The following GSPT1 variants were observed in gnomAD, a reference collection of about 807,000 sequenced individuals.
GSPT1 encodes G1 to S phase transition 1, also known as eukaryotic peptide chain release factor GTP-binding subunit ERF3A.
A neutral mutation model predicts 72.5 loss-of-function variants in GSPT1; 20 were observed. The ratio of observed to expected loss-of-function variants is 0.28; its 90% confidence interval spans 0.19 to 0.40. GSPT1 has a LOEUF of 0.40. Among genes scored for constraint, GSPT1 ranks in the 10% least tolerant of loss-of-function variants. The pLI is 1.00. For synonymous variants in GSPT1, 334 were observed against 293.5 expected, an observed-to-expected ratio of 1.14 and a Z score of -1.41; for missense variants, 580 against 811.9, an observed-to-expected ratio of 0.71 and a Z score of 3.47.
intron 5 of GSPT1, among the ~76,000 whole-genome samples, chr16:11,893,615 T>A (rs181126487): frequency 1.3e-5 from 2 of 152,204 alleles, no homozygotes; most frequent in Non-Finnish European, 2.9e-5. Context: ...CCTTTCCCTA[T>A]AGCTTTCATC....
At chr16:11,916,024 C>T (rs554876126), upstream of GSPT1, 28 of 655,068 alleles carry the variant, frequency 4.3e-5, no homozygotes, top group Non-Finnish European at 6.9e-5. Context: ...CGGATTGACC[C>T]CTCGCCGCCA....
At chr16:11,886,298 C>G (rs1310962180) in intron 9 of GSPT1, among the ~76,000 whole-genome samples, 173 bp downstream of exon 9, 1 of 152,002 alleles carries the variant, frequency 6.6e-6, no homozygotes, top group Non-Finnish European at 1.5e-5. Context: ...TAAAAATGGG[C>G]AAAGATCTTA....
At position 11,885,082 on chromosome 16, in the gene GSPT1, AAAG is replaced by A. The variant is rs1469380751; in HGVS notation, c.1347+96_1347+98del. ...AAGATTCTGTCAAAAAAAAAACAAG[AAAG>A]AAAAGAAAAGAAAAAAAGTTTTCAA... On this transcript the variant is annotated intron_variant, in intron 10 of 14. Coordinates refer to ENST00000434724, the MANE Select transcript of GSPT1 (RefSeq NM_002094.4). 3.7e-5 allele frequency: 24 copies of A among 645,396 alleles called. 1 individual carries two copies. The East Asian group carries it at 4.3e-4, about 12-fold the overall frequency. The allele number at this position is 645,396 out of a possible 1,614,324, so 40.0% of individuals were successfully genotyped here.
intron 5 of GSPT1, among the ~76,000 whole-genome samples, chr16:11,891,644 G>A (rs1596465566): frequency 6.6e-6 from 1 of 150,894 alleles, no homozygotes; most frequent in Admixed American, 6.6e-5. Context: ...TTACAGGCGT[G>A]AGCCACCACG....
At chr16:11,895,431 CAAA>C (rs58577286) in intron 4 of GSPT1, 28 of 113,810 alleles carry the variant, frequency 2.5e-4, no homozygotes, top group African/African-American at 6.3e-4. Flanking sequence ...AACTCCATCT[CAAA>C]AAAAAAAAAA....
rs1596462123 is a variant in GSPT1 at position 11,886,984 on chromosome 16, T to C, written c.958-53A>G. 9 of 1,349,020 alleles carry C rather than the reference T, an allele frequency of 6.7e-6. No individual in the cohort carries two copies. The East Asian group carries it at 1.4e-4, about 21-fold the overall frequency. The allele number at this position is 1,349,020 out of a possible 1,614,324, so 83.6% of individuals were successfully genotyped here. ...TCCTTCGCCTTCAGGCATACCCTTA[T>C]GGCAGTAAAACATCTTTCCTTTCAG... On this transcript the variant is annotated intron_variant, in intron 7 of 14. Coordinates refer to ENST00000434724, the MANE Select transcript of GSPT1 (RefSeq NM_002094.4).
rs932872402 is a variant in GSPT1 at position 11,895,813 on chromosome 16, G to T, written c.664+745C>A. Reference sequence around the variant, plus strand: ...GGCTAATTTTTGTATTTTTAGTAGAGACGGGGTTTCACCATGTTGGCCAGG... The same window carrying T: ...GGCTAATTTTTGTATTTTTAGTAGATACGGGGTTTCACCATGTTGGCCAGG... On this transcript the variant is annotated intron_variant, in intron 4 of 14. Coordinates refer to ENST00000434724, the MANE Select transcript of GSPT1 (RefSeq NM_002094.4). Among the ~76,000 whole-genome samples, 6 of 152,304 alleles carry T rather than the reference G, an allele frequency of 3.9e-5. No individual in the cohort carries two copies. In the East Asian group the frequency reaches 9.6e-4, roughly 24 times the overall value.
At chr16:11,891,395 T>G (rs1166089168) in intron 5 of GSPT1, among the ~76,000 whole-genome samples, 3 of 149,686 alleles carry the variant, frequency 2.0e-5, no homozygotes, top group Non-Finnish European at 1.5e-5. Context: ...AGAGTTTCGC[T>G]CTTGTCATCC....
In GSPT1 at chr16:11,894,155, CAAAAAAAAAAAAAAAAAAAAAAAA is replaced by C. The variant is rs57226427; in HGVS notation, c.698+775_698+798del. Reference sequence around the variant, plus strand: ...TTGGTGACAGAATGAGACCCTATCTCAAAAAAAAAAAAAAAAAAAAAAAAAAAAAAAAAAAAAAAATTTAACTAG... The same window carrying C: ...TTGGTGACAGAATGAGACCCTATCTCAAAAAAAAAAAAAAAATTTAACTAG... On this transcript the variant is annotated intron_variant, in intron 5 of 14. Transcript: ENST00000434724. 3.4e-3 allele frequency among the ~76,000 whole-genome samples: 147 copies of C among 42,688 alleles called. 3 individuals are homozygous for C. The highest frequency in any genetic ancestry group is 0.024 in the Middle Eastern group (1 of 42). The allele number at this position is 42,688 out of a possible 152,430, so 28.0% of individuals were successfully genotyped here. A position where few individuals can be genotyped will look rare whatever the true frequency, so the allele number is the denominator to read the frequency against.
rs905167255 is a variant in GSPT1 at position 11,871,383 on chromosome 16, T to A, written c.*1736A>T. 6.6e-6 allele frequency: 1 copy of A among 152,048 alleles called. No individual in the cohort carries two copies. The highest frequency in any genetic ancestry group is 1.5e-5 in the Non-Finnish European group (1 of 68,006). The allele number at this position is 152,048 out of a possible 1,614,324, so 9.4% of individuals were successfully genotyped here. On this transcript the variant is annotated 3_prime_UTR_variant, in exon 15 of 15. Coordinates refer to ENST00000434724, the MANE Select transcript of GSPT1 (RefSeq NM_002094.4). ...AGAAGTTTGAGACCAGCCTGACCAA[T>A]AGGGGGAAACCTCGTCTCCACTAAA...
chr16:11,875,943 G>C lies in GSPT1; in HGVS notation c.1693-14C>G, dbSNP rs371597035. On this transcript the variant is annotated splice_polypyrimidine_tract_variant and intron_variant, in intron 13 of 14. Transcript: ENST00000434724. ...GCAGATTAAGGCCTAACCAAGAAAA[G>C]AGTATGAGAAAATCAGAATAATGCC... 10 of 1,605,314 alleles carry C rather than the reference G, an allele frequency of 6.2e-6. No individual in the cohort carries two copies. The highest frequency in any genetic ancestry group is 5.6e-5 in the South Asian group (5 of 89,836).
intron 3 of GSPT1, 127 bp from the exon 4 acceptor site, chr16:11,896,912 C>G (rs1472237763): frequency 1.1e-5 from 7 of 660,908 alleles, no homozygotes; most frequent in Non-Finnish European, 1.8e-5. Context: ...CCTAGTGACA[C>G]ATAAGCAGGA....
intron 10 of GSPT1, among the ~76,000 whole-genome samples, chr16:11,883,899 G>A (rs1318221910): frequency 2.0e-5 from 3 of 149,032 alleles, no homozygotes; most frequent in African/African-American, 2.5e-5. Context: ...GTGAAACAGC[G>A]AGACTCCATC....
intron 6 of GSPT1, 120 bp from the exon 7 acceptor site, chr16:11,887,870 G>T: frequency 1.3e-6 from 1 of 752,566 alleles, no homozygotes; most frequent in Non-Finnish European, 2.2e-6. Flanking sequence ...CAAGATTGGT[G>T]AAATGAAAAT....
chr16:11,893,678 A>G (rs527472592), intron 5 of GSPT1, among the ~76,000 whole-genome samples: 6 of 152,304 alleles, frequency 3.9e-5, no homozygotes, highest in African/African-American at 1.4e-4. Flanking sequence ...ATTTGCATGT[A>G]GAAACCCAGT....
In GSPT1 at chr16:11,873,003, T is replaced by C; in HGVS notation, c.*116A>G. ...GTGGACTTTTGCTGTGAATTTCCTC[T>C]TTGCAAAATATGGGGAGAGGTTTAT... On this transcript the variant is annotated 3_prime_UTR_variant, in exon 15 of 15. Transcript: ENST00000434724. 1.6e-6 allele frequency: 1 copy of C among 639,058 alleles called. No individual in the cohort carries two copies. The highest frequency in any genetic ancestry group is 2.5e-5 in the East Asian group (1 of 39,312). The allele number at this position is 639,058 out of a possible 1,614,324, so 39.6% of individuals were successfully genotyped here.
Position 11,875,938 on chromosome 16 carries a change from GAA to G in GSPT1, c.1693-11_1693-10del, listed in dbSNP as rs1357215790. On this transcript the variant is annotated splice_polypyrimidine_tract_variant and intron_variant, in intron 13 of 14. Transcript: ENST00000434724. ...ACCAAGCAGATTAAGGCCTAACCAA[GAA>G]AAGAGTATGAGAAAATCAGAATAAT... 1 of 1,607,460 alleles carries G rather than the reference GAA, an allele frequency of 6.2e-7. No individual in the cohort carries two copies. The highest frequency in any genetic ancestry group is 2.2e-5 in the East Asian group (1 of 44,850).
At chr16:11,905,377 G>T (rs969797061) in intron 1 of GSPT1, among the ~76,000 whole-genome samples, 1 of 152,060 alleles carries the variant, frequency 6.6e-6, no homozygotes, top group Non-Finnish European at 1.5e-5. Context: ...TGTGGTTCTC[G>T]ATTACACTTT....
In GSPT1 at chr16:11,868,559, A is replaced by G. The variant is rs2053944526; in HGVS notation, c.*4560T>C. The G allele has an allele frequency of 6.6e-6, 1 of 152,128 alleles. No homozygotes were observed. The highest frequency in any genetic ancestry group is 2.4e-5 in the African/African-American group (1 of 41,402). 9.4% of individuals were successfully genotyped at this position (152,128 alleles called of 1,614,324 possible). ...GAGGCTTAGACCTCAGTTTCACCTA[A>G]TGCATGTGGAGGAAATGGAGGTGAG... is the stretch of plus-strand genomic sequence containing the variant. On this transcript the variant is annotated 3_prime_UTR_variant, in exon 15 of 15. Transcript: ENST00000434724.
Sources: allele counts gnomAD v4.1 joint callset (sites outside exome capture counted in the v4.1 genomes callset), GRCh38; gene constraint gnomAD v4.1.1; transcripts MANE v1.5; gene names NCBI Gene and HGNC (gene_info 2026-07-23, HGNC 2026-07-21).